LIX1: variants seen among roughly 807,000 people sequenced by gnomAD.
The protein encoded by LIX1 is protein limb expression 1 homolog.
A neutral mutation model predicts 33.4 loss-of-function variants in LIX1; 24 were observed. That is an observed-to-expected ratio of 0.72 (90% CI 0.52 to 1.01). The LOEUF (loss-of-function observed/expected upper bound fraction) is 1.01, where lower values mean the gene tolerates loss of function less well. LIX1 is among the 50% of genes least tolerant of loss of function. LIX1 has a pLI of 0.00. For missense variants in LIX1, 311 were observed against 339.2 expected (o/e 0.92, Z 0.65); for synonymous variants, 124 against 124.0 (o/e 1.00, Z 0.00).
chr5:97,120,702 G>T (rs1747756846), intron 2 of LIX1, among the ~76,000 whole-genome samples: 1 of 152,190 alleles, frequency 6.6e-6, no homozygotes, highest in South Asian at 2.1e-4. Context: ...AGTGTCAGAA[G>T]AGGAAATCGG....
chr5:97,129,067 C>T (rs1445926837), intron 1 of LIX1, among the ~76,000 whole-genome samples: 3 of 152,266 alleles, frequency 2.0e-5, no homozygotes, highest in East Asian at 3.9e-4. Flanking sequence ...TCTCTCTTGT[C>T]CTAACCTCCT....
intron 1 of LIX1, among the ~76,000 whole-genome samples, chr5:97,129,809 G>A (rs1748015127): frequency 6.6e-6 from 1 of 152,202 alleles, no homozygotes. Context: ...GTATTTGAAT[G>A]TTATCAAAAG....
chr5:97,108,445 ATTCTT>A (rs1489151142), intron 2 of LIX1, among the ~76,000 whole-genome samples: 1 of 151,934 alleles, frequency 6.6e-6, no homozygotes. Context: ...ATGCATCCTG[ATTCTT>A]TTCTGTCCTC....
At chr5:97,119,880 C>G (rs967077440) in intron 2 of LIX1, among the ~76,000 whole-genome samples, 6 of 151,866 alleles carry the variant, frequency 4.0e-5, no homozygotes, top group African/African-American at 1.4e-4. Context: ...AACAATAACA[C>G]TAGAATTTCT....
chr5:97,116,771 G>C (rs1747647402), intron 2 of LIX1, among the ~76,000 whole-genome samples: 1 of 151,826 alleles, frequency 6.6e-6, no homozygotes, highest in Non-Finnish European at 1.5e-5. Context: ...TATTTTTATA[G>C]TTGCTTTGAT....
chr5:97,106,763 C>T (rs536842306), intron 3 of LIX1, among the ~76,000 whole-genome samples: 1 of 152,294 alleles, frequency 6.6e-6, no homozygotes, highest in African/African-American at 2.4e-5. Flanking sequence ...TCTTAAAGCA[C>T]TTTGCATTTA....
At chr5:97,132,738 G>A (rs774208930) in intron 1 of LIX1, among the ~76,000 whole-genome samples, 14 of 152,172 alleles carry the variant, frequency 9.2e-5, no homozygotes, top group Non-Finnish European at 1.8e-4. Context: ...TCCATGAAGA[G>A]GTGGAGCCAC....
At chr5:97,115,544 T>C (rs935253694) in intron 2 of LIX1, among the ~76,000 whole-genome samples, 1 of 152,210 alleles carries the variant, frequency 6.6e-6, no homozygotes, top group Admixed American at 6.5e-5. Flanking sequence ...TACAGTGCTT[T>C]CTTTAGGAAT....
At chr5:97,134,342 A>G (rs1748126991) in intron 1 of LIX1, among the ~76,000 whole-genome samples, 1 of 151,648 alleles carries the variant, frequency 6.6e-6, no homozygotes, top group African/African-American at 2.4e-5. Flanking sequence ...CTGGTCTTGA[A>G]CTCCTGACCT....
chr5:97,106,978 C>G (rs1446465332), intron 3 of LIX1, among the ~76,000 whole-genome samples: 7 of 152,164 alleles, frequency 4.6e-5, no homozygotes, highest in Non-Finnish European at 1.0e-4. Flanking sequence ...TTTTCATGAT[C>G]TTTCAAGTTC....
At position 97,135,595 on chromosome 5, in the gene LIX1, G is replaced by C. The variant is rs183402139; in HGVS notation, c.82+6900C>G. ...GCACTCTGGGAGGCCGAGGTGGGCG[G>C]ATCACTTGAGGTCAGGAGTTTGAGA... On this transcript the variant is annotated intron_variant, in intron 1 of 5. Coordinates refer to ENST00000274382, the MANE Select transcript of LIX1 (RefSeq NM_153234.5). Among the ~76,000 whole-genome samples the C allele has an allele frequency of 2.8e-3, 434 of 152,298 alleles. 5 individuals are homozygous for C. The highest frequency in any genetic ancestry group is 9.4e-3 in the African/African-American group (389 of 41,544).
At position 97,096,850 on chromosome 5, in the gene LIX1, C is replaced by G. The variant is rs200283867; in HGVS notation, c.521G>C (p.Gly174Ala). 1.2e-6 allele frequency: 2 copies of G among 1,614,032 alleles called. No homozygotes were observed. Among genetic ancestry groups the G allele is most frequent in the East Asian group, 2.2e-5 (1 of 44,882 alleles). The change falls in exon 5 of 6, where the codon GGA (glycine) becomes GCA (alanine). Residue 174 changes from glycine to alanine, a missense_variant. Transcript: ENST00000274382. The part of the protein sequence containing the change: ...MTIFQLLHWN[G>A]SLKALRETKC... ...TGTTTCACGAAGGGCTTTTAGGCTT[C>G]CATTCCAGTGCAATAGTTGGAAAAT...
At chr5:97,096,937 G>T (rs1002931936) in intron 4 of LIX1, 50 bp from the exon 5 acceptor site, 1 of 1,344,810 alleles carries the variant, frequency 7.4e-7, no homozygotes, top group Admixed American at 1.7e-5. Context: ...AATGTGCATT[G>T]GTGAGAGCTG....
chr5:97,096,137 C>T (rs935495481), intron 5 of LIX1, among the ~76,000 whole-genome samples: 10 of 152,158 alleles, frequency 6.6e-5, no homozygotes, highest in African/African-American at 1.9e-4. Context: ...CACATTCTAA[C>T]GGTGGGTAGA....
intron 4 of LIX1, among the ~76,000 whole-genome samples, chr5:97,102,735 T>G (rs893147017): frequency 6.6e-6 from 1 of 152,156 alleles, no homozygotes; most frequent in African/African-American, 2.4e-5. Flanking sequence ...AAGACTTTTT[T>G]TTTTTTTTTA....
rs79758384 is a variant in LIX1 at position 97,138,655 on chromosome 5, A to G, written c.82+3840T>C. On this transcript the variant is annotated intron_variant, in intron 1 of 5. Coordinates refer to ENST00000274382, the MANE Select transcript of LIX1 (RefSeq NM_153234.5). ...AGTTTGTCTTTGGACAAGCTGTTCT[A>G]TCTCATCAAAAATTATCTGCCCCTC... Among the ~76,000 whole-genome samples, 47 of 152,196 alleles carry G rather than the reference A, an allele frequency of 3.1e-4. 2 individuals carry two copies. In the East Asian group the frequency reaches 8.9e-3, roughly 29 times the overall value.
chr5:97,134,345 C>T (rs987120851), intron 1 of LIX1, among the ~76,000 whole-genome samples: 2 of 152,218 alleles, frequency 1.3e-5, no homozygotes, highest in African/African-American at 4.8e-5. Context: ...GTCTTGAACT[C>T]CTGACCTCAG....
At chr5:97,103,224 C>T (rs1746814023) in intron 4 of LIX1, 1 of 351,212 alleles carries the variant, frequency 2.8e-6, no homozygotes, top group Non-Finnish European at 5.5e-6. Context: ...ACTCTTTTAT[C>T]CTACAATAGG....
At chr5:97,127,459 G>C (rs557505205) in intron 1 of LIX1, among the ~76,000 whole-genome samples, 3 of 152,220 alleles carry the variant, frequency 2.0e-5, no homozygotes, top group Admixed American at 6.5e-5. Context: ...CACCAAGAGT[G>C]CAATATATAT....
Sources: gnomAD v4.1 joint callset for allele counts (sites outside exome capture counted in the v4.1 genomes callset) on GRCh38, gnomAD v4.1.1 for gene constraint, MANE v1.5 for transcripts, NCBI Gene and HGNC (gene_info 2026-07-23, HGNC 2026-07-21) for gene names.